The following DTNB variants were observed in gnomAD, a reference collection of about 807,000 sequenced individuals.
The protein encoded by DTNB is DTN-B.
In DTNB, 63 loss-of-function variants were observed where a neutral mutation model predicts 90.7. The ratio of observed to expected loss-of-function variants is 0.69; its 90% CI spans 0.57 to 0.86. The LOEUF (loss-of-function observed/expected upper bound fraction) is 0.86, where lower values mean the gene tolerates loss of function less well. Among genes scored for constraint, DTNB ranks in the 40% least tolerant of loss-of-function variants. The pLI, the probability that DTNB is intolerant of heterozygous loss-of-function variation, is 0.00. For synonymous variants in DTNB, 277 were observed against 286.7 expected (o/e 0.97, Z 0.34); for missense variants, 744 against 807.1 (o/e 0.92, Z 0.95).
At chr2:25,395,539 T>G (rs2042166130) in intron 16 of DTNB, among the ~76,000 whole-genome samples, 1 of 149,196 alleles carries the variant, frequency 6.7e-6, no homozygotes. Flanking sequence ...AATCACAATA[T>G]ATACATAAAT....
chr2:25,575,999 C>T (rs911744752), intron 8 of DTNB, among the ~76,000 whole-genome samples: 2 of 152,104 alleles, frequency 1.3e-5, no homozygotes, highest in African/African-American at 4.8e-5. Context: ...ATTTTAAAAA[C>T]TACTTTTGAA....
intron 9 of DTNB, among the ~76,000 whole-genome samples, chr2:25,512,989 A>C (rs1187424557): frequency 6.6e-6 from 1 of 152,204 alleles, no homozygotes; most frequent in African/African-American, 2.4e-5. Flanking sequence ...TAGATTTTTA[A>C]ATAGGGAAGT....
intron 8 of DTNB, among the ~76,000 whole-genome samples, chr2:25,533,008 A>C (rs1205652138): frequency 6.6e-6 from 1 of 152,180 alleles, no homozygotes; most frequent in Non-Finnish European, 1.5e-5. Context: ...ACCTTCTACT[A>C]TTCCCGTCAA....
chr2:25,636,052 CTT>C (rs972514799), intron 3 of DTNB, among the ~76,000 whole-genome samples: 14 of 152,100 alleles, frequency 9.2e-5, no homozygotes, highest in Non-Finnish European at 2.1e-4. Flanking sequence ...TGGGAAGACT[CTT>C]TAGCAGTAAA....
intron 6 of DTNB, among the ~76,000 whole-genome samples, chr2:25,581,460 C>G (rs1001681464): frequency 1.3e-5 from 2 of 152,186 alleles, no homozygotes; most frequent in East Asian, 1.9e-4. Context: ...GAGATTGGAA[C>G]CTACATGTCC....
At chr2:25,606,191 T>TAA (rs34742111) in intron 5 of DTNB, among the ~76,000 whole-genome samples, 41 of 148,314 alleles carry the variant, frequency 2.8e-4, no homozygotes, top group African/African-American at 5.7e-4. Flanking sequence ...TCTTTCAATT[T>TAA]AAAAAAAAAA....
intron 8 of DTNB, among the ~76,000 whole-genome samples, chr2:25,541,122 G>A (rs2081159990): frequency 6.6e-6 from 1 of 151,500 alleles, no homozygotes. Flanking sequence ...GTACTAACAA[G>A]GTTGAGGCAA....
At chr2:25,388,098 C>T (rs1208427679) in intron 17 of DTNB, 104 bp downstream of exon 17, 5 of 1,500,544 alleles carry the variant, frequency 3.3e-6, no homozygotes, top group Non-Finnish European at 4.4e-6. Flanking sequence ...CTGATCATTC[C>T]AAGCAAAGAG....
chr2:25,595,345 T>C (rs553630624), intron 6 of DTNB, among the ~76,000 whole-genome samples: 2 of 152,348 alleles, frequency 1.3e-5, no homozygotes, highest in African/African-American at 4.8e-5. Flanking sequence ...TTAGAATATG[T>C]CAATATCCTG....
chr2:25,449,765 T>C (rs2058988510), intron 12 of DTNB, among the ~76,000 whole-genome samples: 1 of 124,034 alleles, frequency 8.1e-6, no homozygotes, highest in African/African-American at 2.7e-5. Context: ...TGTTTTTCTT[T>C]TTCTTTTTTT....
intron 18 of DTNB, among the ~76,000 whole-genome samples, chr2:25,385,103 C>G (rs1005475502): frequency 1.3e-5 from 2 of 151,998 alleles, no homozygotes; most frequent in African/African-American, 4.8e-5. Flanking sequence ...GTCTTAAACT[C>G]CTGACCTTAG....
At chr2:25,493,442 C>A (rs1185334693) in intron 9 of DTNB, among the ~76,000 whole-genome samples, 1 of 152,048 alleles carries the variant, frequency 6.6e-6, no homozygotes, top group African/African-American at 2.4e-5. Context: ...AATGTAAAAC[C>A]CACCCTATAG....
intron 9 of DTNB, among the ~76,000 whole-genome samples, chr2:25,484,463 CAAAT>C (rs1269042111): frequency 2.6e-5 from 4 of 152,264 alleles, no homozygotes; most frequent in African/African-American, 7.2e-5. Flanking sequence ...ATAGTACACT[CAAAT>C]AAAAGCTCAA....
intron 7 of DTNB, among the ~76,000 whole-genome samples, chr2:25,580,318 C>A (rs886230178): frequency 6.6e-6 from 1 of 151,734 alleles, no homozygotes; most frequent in African/African-American, 2.4e-5. Flanking sequence ...TAAGTCTCTG[C>A]GAGATCAGCC....
At chr2:25,482,185 T>C (rs2065106705) in intron 10 of DTNB, among the ~76,000 whole-genome samples, 1 of 152,194 alleles carries the variant, frequency 6.6e-6, no homozygotes, top group African/African-American at 2.4e-5. Context: ...CCATTTTATA[T>C]AGTTCTTTTA....
At chr2:25,554,969 A>C (rs761932323) in intron 8 of DTNB, among the ~76,000 whole-genome samples, 9 of 152,182 alleles carry the variant, frequency 5.9e-5, no homozygotes, top group Admixed American at 1.3e-4. Context: ...GGAGAGCTTC[A>C]AATTTCTCTG....
At chr2:25,406,047 C>T (rs74317198) in intron 16 of DTNB, among the ~76,000 whole-genome samples, 2,439 of 152,166 alleles carry the variant, frequency 0.016, 27 homozygotes, top group Non-Finnish European at 0.026. Context: ...AGGAGGCTGG[C>T]GATGGCTGGC....
intron 7 of DTNB, among the ~76,000 whole-genome samples, chr2:25,580,307 A>G (rs142018408): frequency 8.0e-4 from 122 of 152,048 alleles, no homozygotes; most frequent in African/African-American, 2.6e-3. Context: ...TTTTAAAGTA[A>G]TAAGTCTCTG....
At chr2:25,652,413 C>A (rs528396120) in intron 2 of DTNB, among the ~76,000 whole-genome samples, 181 bp downstream of exon 2, 1 of 151,792 alleles carries the variant, frequency 6.6e-6, no homozygotes, top group East Asian at 2.0e-4. Flanking sequence ...CAAGTCAATT[C>A]TATTCAAATA....
Sources: allele counts gnomAD v4.1 joint callset (sites outside exome capture counted in the v4.1 genomes callset), GRCh38; gene constraint gnomAD v4.1.1; transcripts MANE v1.5; gene names NCBI Gene and HGNC (gene_info 2026-07-23, HGNC 2026-07-21).